Variants in PKHD1 observed in about 807,000 individuals in gnomAD.
PKHD1 encodes PKHD1 ciliary IPT domain containing fibrocystin/polyductin.
PKHD1 carries 291 observed loss-of-function variants against 412.0 expected under a neutral mutation model. That is an observed-to-expected ratio of 0.71 (90% CI 0.64 to 0.78). The LOEUF (loss-of-function observed/expected upper bound fraction) is 0.78. PKHD1 is among the 30% of genes least tolerant of loss of function. The pLI is 0.00. For missense variants in PKHD1, 4,825 were observed against 4,950.7 expected (o/e 0.97, Z 0.76); for synonymous variants, 1,777 against 1,821.5 (o/e 0.98, Z 0.62).
In PKHD1 at chr6:51,706,812, T is replaced by G. The variant is rs558892754; in HGVS notation, c.10156+37573A>C. Reference sequence around the variant, plus strand: ...ACGAAGTACCATTAGCTTTTATATGTGAGGTTGCCTTTCTCTAAAGTTGAG... The same window carrying G: ...ACGAAGTACCATTAGCTTTTATATGGGAGGTTGCCTTTCTCTAAAGTTGAG... On this transcript the variant is annotated intron_variant, in intron 60 of 66. Transcript: ENST00000371117. Among the ~76,000 whole-genome samples, 59 of 152,304 alleles carry G rather than the reference T, an allele frequency of 3.9e-4. 1 individual carries two copies. The highest frequency in any genetic ancestry group is 1.3e-3 in the African/African-American group (56 of 41,580).
chr6:51,889,252 G>A (rs988721710), intron 43 of PKHD1, among the ~76,000 whole-genome samples: 1 of 152,096 alleles, frequency 6.6e-6, no homozygotes, highest in South Asian at 2.1e-4. Flanking sequence ...TGGCATTAGG[G>A]TCACAGTAAA....
Position 51,649,105 on chromosome 6 carries a change from A to G in PKHD1, c.11290T>C (p.Leu3764=), listed in dbSNP as rs752554296. 1.9e-6 allele frequency: 3 copies of G among 1,613,678 alleles called. No individual in the cohort carries two copies. The highest frequency in any genetic ancestry group is 2.5e-6 in the Non-Finnish European group (3 of 1,179,784). ...GTTACCTGCTCATCCAAAAATACCA[A>G]TTGTGGCTGCACTGGAAGCTCATTT... ...VGNELPVQPQ[L]VFLDEQNRRV... Residue 3764 remains leucine, a synonymous_variant, in exon 62 of 67, where the codon TTG becomes CTG. Transcript: ENST00000371117.
At chr6:51,921,834 T>G (rs1168246402) in intron 37 of PKHD1, among the ~76,000 whole-genome samples, 2 of 152,206 alleles carry the variant, frequency 1.3e-5, no homozygotes, top group African/African-American at 4.8e-5. Flanking sequence ...TCATCTAATC[T>G]TTTTTCAAGG....
Position 52,024,663 on chromosome 6 carries a change from A to T in PKHD1, c.5147T>A (p.Val1716Asp). 1 of 1,614,168 alleles carries T rather than the reference A, an allele frequency of 6.2e-7. No homozygotes were observed. The highest frequency in any genetic ancestry group is 8.5e-7 in the Non-Finnish European group (1 of 1,180,010). ...CCCTCTGATGCAGTCATAGCCTCTGACGTGGTACTCCCCGGCCGGAAGGGA... is the reference window on the plus strand; with the variant it reads ...CCCTCTGATGCAGTCATAGCCTCTGTCGTGGTACTCCCCGGCCGGAAGGGA... ...VPSLPAGEYH[V>D]RGYDCIRGWA... Residue 1716 changes from valine to aspartate, a missense_variant, in exon 32 of 67, where the codon GTC (valine) becomes GAC (aspartate). Transcript: ENST00000371117.
chr6:51,670,065 G>C (rs150311291), intron 60 of PKHD1, among the ~76,000 whole-genome samples: 3 of 141,922 alleles, frequency 2.1e-5, no homozygotes, highest in African/African-American at 5.0e-5. Context: ...TACTAGGTCT[G>C]CTTGGTGCAG....
intron 66 of PKHD1, among the ~76,000 whole-genome samples, chr6:51,619,787 A>C (rs1766382431): frequency 6.6e-6 from 1 of 152,180 alleles, no homozygotes; most frequent in Non-Finnish European, 1.5e-5. Flanking sequence ...CAAAAACCAG[A>C]CCATGGTCAG....
chr6:52,059,455 C>T (rs1409722311), intron 15 of PKHD1, among the ~76,000 whole-genome samples: 2 of 151,428 alleles, frequency 1.3e-5, no homozygotes, highest in African/African-American at 4.9e-5. Flanking sequence ...TATCATGTTG[C>T]CCAGGCTGGT....
chr6:51,714,899 G>T (rs562604500), intron 60 of PKHD1, among the ~76,000 whole-genome samples: 135 of 152,124 alleles, frequency 8.9e-4, no homozygotes, highest in African/African-American at 3.1e-3. Context: ...TTTAGCATCT[G>T]AGTTCTGGCT....
intron 35 of PKHD1, among the ~76,000 whole-genome samples, chr6:51,979,532 T>C (rs1025532534): frequency 6.6e-6 from 1 of 151,932 alleles, no homozygotes; most frequent in Non-Finnish European, 1.5e-5. Context: ...ATTCTCTCTC[T>C]GTCTTTCTCC....
At chr6:51,768,166 T>G in intron 55 of PKHD1, among the ~76,000 whole-genome samples, 1 of 102,390 alleles carries the variant, frequency 9.8e-6, no homozygotes. Flanking sequence ...AGGGGGTTGT[T>G]TTTTTTTTCT....
At chr6:51,824,994 C>T (rs74735041) in intron 52 of PKHD1, among the ~76,000 whole-genome samples, 1,654 of 152,244 alleles carry the variant, frequency 0.011, 18 homozygotes, top group East Asian at 0.062. Context: ...AATAAAGAAA[C>T]TAAAACCCTT....
intron 36 of PKHD1, among the ~76,000 whole-genome samples, chr6:51,955,069 C>T (rs566410762): frequency 1.3e-5 from 2 of 152,040 alleles, no homozygotes; most frequent in East Asian, 1.9e-4. Context: ...GGCCATTGGG[C>T]ATCTTAACAT....
intron 53 of PKHD1, among the ~76,000 whole-genome samples, chr6:51,782,382 A>G (rs1363862211): frequency 6.6e-6 from 1 of 152,196 alleles, no homozygotes; most frequent in African/African-American, 2.4e-5. Flanking sequence ...TGAAATAAGT[A>G]TTATTTAACT....
chr6:51,675,991 G>T (rs1775774925), intron 60 of PKHD1, among the ~76,000 whole-genome samples: 1 of 152,056 alleles, frequency 6.6e-6, no homozygotes, highest in Non-Finnish European at 1.5e-5. Flanking sequence ...CCTTTCCCTA[G>T]ACAGGAAGCT....
At chr6:51,886,550 G>A (rs563823163) in intron 44 of PKHD1, among the ~76,000 whole-genome samples, 23 of 152,240 alleles carry the variant, frequency 1.5e-4, no homozygotes, top group African/African-American at 5.5e-4. Flanking sequence ...AGACACAGAA[G>A]GGCAATAGTA....
At chr6:51,911,989 A>C (rs1312938008) in intron 38 of PKHD1, 33 bp from the exon 39 acceptor site, 6 of 1,536,654 alleles carry the variant, frequency 3.9e-6, no homozygotes, top group African/African-American at 1.4e-5. Flanking sequence ...AGAACTGAGG[A>C]CATCACTCCA....
chr6:52,079,223 A>G (rs900259622), intron 5 of PKHD1, among the ~76,000 whole-genome samples: 6 of 152,232 alleles, frequency 3.9e-5, no homozygotes, highest in African/African-American at 1.4e-4. Context: ...ATGAACTCCC[A>G]GTATAGGTAT....
intron 31 of PKHD1, among the ~76,000 whole-genome samples, chr6:52,027,313 C>T (rs1056392282): frequency 6.6e-6 from 1 of 151,426 alleles, no homozygotes; most frequent in African/African-American, 2.4e-5. Context: ...GGGCAGATCA[C>T]CTGAGGTAAG....
chr6:51,663,969 A>G (rs1358438235), intron 60 of PKHD1, among the ~76,000 whole-genome samples: 1 of 152,210 alleles, frequency 6.6e-6, no homozygotes, highest in Admixed American at 6.5e-5. Context: ...TATTCATTAA[A>G]TAAATACACA....
Sources: allele counts gnomAD v4.1 joint callset (sites outside exome capture counted in the v4.1 genomes callset), GRCh38; gene constraint gnomAD v4.1.1; transcripts MANE v1.5; gene names NCBI Gene and HGNC (gene_info 2026-07-23, HGNC 2026-07-21).